Variants in CEP128 observed in about 807,000 individuals in gnomAD.
CEP128 encodes the protein centrosomal protein 128.
A neutral mutation model predicts 156.7 loss-of-function variants in CEP128; 132 were observed. The observed-to-expected ratio is 0.84, with a 90% CI of 0.73 to 0.97. The LOEUF (loss-of-function observed/expected upper bound fraction) is 0.97. Ranked by LOEUF, CEP128 falls within the 50% of genes least tolerant of loss-of-function variation. CEP128 has a pLI of 0.00. For missense variants in CEP128, 1,252 were observed against 1,281.9 expected, an observed-to-expected ratio of 0.98 and a Z score of 0.36; for synonymous variants, 469 against 448.9, an observed-to-expected ratio of 1.04 and a Z score of -0.57.
intron 2 of CEP128, among the ~76,000 whole-genome samples, chr14:80,920,677 G>A (rs927956712): frequency 6.6e-6 from 1 of 152,092 alleles, no homozygotes; most frequent in East Asian, 1.9e-4. Context: ...CAAATATTCA[G>A]GGCCATGAGA....
chr14:80,487,646 T>C (rs1368189056), downstream of CEP128, among the ~76,000 whole-genome samples: 1 of 152,078 alleles, frequency 6.6e-6, no homozygotes, highest in Non-Finnish European at 1.5e-5. Flanking sequence ...CCTCAGCAAA[T>C]GTAAAAGAAC....
At chr14:80,844,411 G>A (rs1010142449) in intron 9 of CEP128, among the ~76,000 whole-genome samples, 2 of 151,970 alleles carry the variant, frequency 1.3e-5, no homozygotes, top group Non-Finnish European at 2.9e-5. Flanking sequence ...AGAAATGCTT[G>A]ATAAAAGTCC....
chr14:80,911,038 T>C (rs1490717649), intron 4 of CEP128, among the ~76,000 whole-genome samples: 1 of 152,234 alleles, frequency 6.6e-6, no homozygotes, highest in Non-Finnish European at 1.5e-5. Flanking sequence ...TTGATATCTC[T>C]ATTTGGAAAA....
intron 4 of CEP128, among the ~76,000 whole-genome samples, chr14:80,913,068 C>G (rs1884340790): frequency 6.6e-6 from 1 of 152,092 alleles, no homozygotes; most frequent in South Asian, 2.1e-4. Flanking sequence ...TAACTTTATT[C>G]CAGAACTCTG....
chr14:80,765,922 C>CA (rs1228913287), intron 16 of CEP128, among the ~76,000 whole-genome samples: 13 of 152,120 alleles, frequency 8.5e-5, no homozygotes, highest in African/African-American at 1.2e-4. Context: ...TTTAGAAAAA[C>CA]AATGTGAAAA....
intron 8 of CEP128, among the ~76,000 whole-genome samples, chr14:80,864,697 C>T (rs1887682973): frequency 6.6e-6 from 1 of 151,972 alleles, no homozygotes; most frequent in South Asian, 2.1e-4. Flanking sequence ...CCAGGGATTA[C>T]AGGCACCTGC....
intron 8 of CEP128, among the ~76,000 whole-genome samples, chr14:80,885,977 A>C (rs1268143750): frequency 6.6e-6 from 1 of 152,102 alleles, no homozygotes; most frequent in Admixed American, 6.6e-5. Flanking sequence ...GAACTTCGCG[A>C]AGCATAGACA....
intron 21 of CEP128, among the ~76,000 whole-genome samples, chr14:80,536,859 C>T (rs1039384151): frequency 3.9e-5 from 6 of 152,160 alleles, no homozygotes; most frequent in South Asian, 2.1e-4. Flanking sequence ...ATTTTATGAG[C>T]GGTCTAAAAA....
intron 18 of CEP128, among the ~76,000 whole-genome samples, chr14:80,755,916 A>G (rs1394763671): frequency 6.6e-6 from 1 of 152,228 alleles, no homozygotes; most frequent in Non-Finnish European, 1.5e-5. Flanking sequence ...CAATCCCATT[A>G]AATGATAAGG....
At chr14:80,821,381 C>T (rs755976832) in intron 13 of CEP128, among the ~76,000 whole-genome samples, 4 of 152,144 alleles carry the variant, frequency 2.6e-5, no homozygotes, top group Non-Finnish European at 5.9e-5. Context: ...TTCAGGTAGA[C>T]AAGCATTGAA....
At chr14:80,873,835 A>G (rs1888147386) in intron 8 of CEP128, among the ~76,000 whole-genome samples, 1 of 152,120 alleles carries the variant, frequency 6.6e-6, no homozygotes, top group South Asian at 2.1e-4. Context: ...ATTTTAAATA[A>G]AATATTTTAA....
At chr14:80,649,261 C>T (rs1184680361) in intron 19 of CEP128, among the ~76,000 whole-genome samples, 1 of 152,036 alleles carries the variant, frequency 6.6e-6, no homozygotes, top group Admixed American at 6.6e-5. Flanking sequence ...TTCCCCACCC[C>T]TCCTTAACTT....
At chr14:80,729,045 C>A (rs1202865481) in intron 19 of CEP128, among the ~76,000 whole-genome samples, 2 of 118,982 alleles carry the variant, frequency 1.7e-5, no homozygotes, top group East Asian at 7.8e-4. Context: ...TAGTCCCAGG[C>A]TGGGCTGGTG....
At chr14:80,814,802 TAA>T (rs1309547595) in intron 13 of CEP128, among the ~76,000 whole-genome samples, 2 of 152,192 alleles carry the variant, frequency 1.3e-5, no homozygotes, top group East Asian at 1.9e-4. Flanking sequence ...CTCATGCCTG[TAA>T]TCCCAGCACT....
chr14:80,732,487 TG>T (rs1369616957), intron 19 of CEP128, among the ~76,000 whole-genome samples: 3 of 147,116 alleles, frequency 2.0e-5, no homozygotes, highest in African/African-American at 7.4e-5. Context: ...TGTGTGTGTG[TG>T]TGTGTGTGTG....
At chr14:80,957,683 G>C (rs1886774294) in intron 2 of CEP128, 1 of 152,182 alleles carries the variant, frequency 6.6e-6, no homozygotes, top group African/African-American at 2.4e-5. Flanking sequence ...AGTTGAGAAA[G>C]AAAGGGTAAT....
At chr14:80,773,388 A>C (rs1439235818) in intron 16 of CEP128, among the ~76,000 whole-genome samples, 1 of 152,138 alleles carries the variant, frequency 6.6e-6, no homozygotes, top group Non-Finnish European at 1.5e-5. Flanking sequence ...AGCATTTATA[A>C]AACATAAGGA....
intron 18 of CEP128, among the ~76,000 whole-genome samples, chr14:80,751,631 C>CTTTT (rs550491859): frequency 7.2e-6 from 1 of 138,714 alleles, no homozygotes; most frequent in African/African-American, 2.7e-5. Context: ...GTAAATATGT[C>CTTTT]TTTTTTTTTT....
At chr14:80,844,536 G>A (rs1025095915) in intron 9 of CEP128, among the ~76,000 whole-genome samples, 1 of 152,008 alleles carries the variant, frequency 6.6e-6, no homozygotes, top group Admixed American at 6.6e-5. Flanking sequence ...TTTCCCGATG[G>A]AAATGGTAAG....
Sources: gnomAD v4.1 joint callset for allele counts (sites outside exome capture counted in the v4.1 genomes callset) on GRCh38, gnomAD v4.1.1 for gene constraint, MANE v1.5 for transcripts, NCBI Gene and HGNC (gene_info 2026-07-23, HGNC 2026-07-21) for gene names.